The following SYT16 variants were observed in gnomAD, a reference collection of about 807,000 sequenced individuals.
SYT16 encodes the protein synaptotagmin 16, also known as synaptotagmin-16.
In SYT16, 42 loss-of-function variants were observed where a neutral mutation model predicts 61.4. The ratio of observed to expected loss-of-function variants is 0.68; its 90% CI spans 0.53 to 0.89. The LOEUF is 0.89. Ranked by LOEUF, SYT16 falls within the 40% of genes least tolerant of loss-of-function variation. The pLI, the probability that SYT16 is intolerant of heterozygous loss-of-function variation, is 0.00. For missense variants in SYT16, 804 were observed against 807.3 expected, an observed-to-expected ratio of 1.00 and a Z score of 0.05; for synonymous variants, 314 against 302.3, an observed-to-expected ratio of 1.04 and a Z score of -0.40.
In SYT16 at chr14:61,834,428, C is replaced by CTTTTTT. The variant is rs35260303; in HGVS notation, c.-325+21637_-325+21642dup. On this transcript the variant is annotated intron_variant, in intron 1 of 7. Coordinates refer to ENST00000683842, the MANE Select transcript of SYT16 (RefSeq NM_001367656.1). ...TACAGGCATGAGCCACCGTGCCTGGCTTTTTTTTTTTTTTTTTTTTTTTTG... is the reference window on the plus strand; with the variant it reads ...TACAGGCATGAGCCACCGTGCCTGGCTTTTTTTTTTTTTTTTTTTTTTTTTTTTTTG... Among the ~76,000 whole-genome samples the CTTTTTT allele has an allele frequency of 1.2e-3, 96 of 76,872 alleles. 11 individuals are homozygous for CTTTTTT. The highest frequency in any genetic ancestry group is 5.8e-3 in the African/African-American group (89 of 15,320). 50.4% of individuals were successfully genotyped at this position (76,872 alleles called of 152,430 possible). A position where few individuals can be genotyped will look rare whatever the true frequency, so the allele number is the denominator to read the frequency against.
chr14:61,873,548 C>G (rs1311885601), intron 1 of SYT16, among the ~76,000 whole-genome samples: 1 of 152,160 alleles, frequency 6.6e-6, no homozygotes, highest in African/African-American at 2.4e-5. Flanking sequence ...AAATGAATCT[C>G]TTTTGTGAAT....
At chr14:62,016,630 A>G (rs1352999139) in intron 3 of SYT16, among the ~76,000 whole-genome samples, 1 of 151,562 alleles carries the variant, frequency 6.6e-6, no homozygotes, top group Non-Finnish European at 1.5e-5. Context: ...GGAGAATGGC[A>G]TGAACCCGGG....
intron 2 of SYT16, among the ~76,000 whole-genome samples, chr14:61,983,002 A>G (rs1230172426): frequency 6.6e-6 from 1 of 152,200 alleles, no homozygotes; most frequent in Non-Finnish European, 1.5e-5. Flanking sequence ...ATTACACTTT[A>G]AAGAGATATA....
At chr14:61,817,010 C>CAAAA (rs1491408669) in intron 1 of SYT16, among the ~76,000 whole-genome samples, 18 of 3,974 alleles carry the variant, frequency 4.5e-3, no homozygotes, top group African/African-American at 6.1e-3. Flanking sequence ...GGCTCCGTCA[C>CAAAA]ACACACACAC....
In SYT16 at chr14:61,844,155, A is replaced by G. The variant is rs192707033; in HGVS notation, c.-325+31345A>G. On this transcript the variant is annotated intron_variant, in intron 1 of 7. Transcript: ENST00000683842. ...TGGATATTTAATTTTATGTGTGGCT[A>G]TTATAAATGGTATTACTTTTTTGAT... Among the ~76,000 whole-genome samples, 5 of 152,186 alleles carry G rather than the reference A, an allele frequency of 3.3e-5. No individual in the cohort carries two copies. The East Asian group carries it at 7.7e-4, about 24-fold the overall frequency.
In SYT16 at chr14:62,013,932, C is replaced by A. The variant is rs537308815; in HGVS notation, c.523+17390C>A. ...TGAGCCGAGATTGTGCCACTGCACT[C>A]CAGCCTGCGCAACAGAGCGAGATTC... On this transcript the variant is annotated intron_variant, in intron 3 of 7. Transcript: ENST00000683842. Among the ~76,000 whole-genome samples the A allele has an allele frequency of 6.0e-3, 906 of 151,956 alleles. 1 individual carries two copies. Among genetic ancestry groups the A allele is most frequent in the Non-Finnish European group, 9.5e-3 (648 of 67,962 alleles).
chr14:61,814,638 A>C (rs930804293), intron 1 of SYT16, among the ~76,000 whole-genome samples: 1 of 152,208 alleles, frequency 6.6e-6, no homozygotes, highest in African/African-American at 2.4e-5. Context: ...AATTATGATG[A>C]TATCTGACCA....
At chr14:61,854,981 T>A (rs2046731277) in intron 1 of SYT16, among the ~76,000 whole-genome samples, 2 of 152,186 alleles carry the variant, frequency 1.3e-5, no homozygotes, top group Non-Finnish European at 2.9e-5. Context: ...TCTAGCACCT[T>A]GGGTTTTTCT....
intron 1 of SYT16, among the ~76,000 whole-genome samples, chr14:61,822,538 T>A (rs1402151162): frequency 6.6e-6 from 1 of 152,210 alleles, no homozygotes; most frequent in Non-Finnish European, 1.5e-5. Flanking sequence ...AAGCCTGAAA[T>A]AACTGCCTCC....
In SYT16 at chr14:61,952,125, CA is replaced by C. The variant is rs555506232; in HGVS notation, c.-324-18006del. 1.2e-4 allele frequency among the ~76,000 whole-genome samples: 18 copies of C among 148,510 alleles called. No homozygotes were observed. The South Asian group carries it at 1.5e-3, about 12-fold the overall frequency. ...AATGTTGAACTGATACAGTGATATT[CA>C]TGCTGATTTTTTTTTTTTTTGGCAA... On this transcript the variant is annotated intron_variant, in intron 1 of 7. Transcript: ENST00000683842.
chr14:62,048,063 C>T (rs148015320), intron 3 of SYT16, among the ~76,000 whole-genome samples: 5,864 of 152,324 alleles, frequency 0.038, 144 homozygotes, highest in Non-Finnish European at 0.057. Context: ...ACCAGTTCCT[C>T]CTTGTACCTC....
At chr14:61,829,540 A>C (rs1405743819) in intron 1 of SYT16, among the ~76,000 whole-genome samples, 1 of 152,070 alleles carries the variant, frequency 6.6e-6, no homozygotes, top group Non-Finnish European at 1.5e-5. Flanking sequence ...TGATAACACA[A>C]ATATTAGATT....
chr14:61,975,206 C>T (rs1180583688), intron 2 of SYT16, among the ~76,000 whole-genome samples: 1 of 152,094 alleles, frequency 6.6e-6, no homozygotes, highest in Non-Finnish European at 1.5e-5. Flanking sequence ...ACCATCTGTG[C>T]ACCTTTCCCA....
At chr14:61,937,603 T>C (rs1003030230) in intron 1 of SYT16, among the ~76,000 whole-genome samples, 2 of 152,220 alleles carry the variant, frequency 1.3e-5, no homozygotes, top group African/African-American at 4.8e-5. Flanking sequence ...CCACTGTGGA[T>C]GGGCAGGAAG....
rs1256920970 is a variant in SYT16, at chr14:62,080,733, G to A, written c.994-101G>A. On this transcript the variant is annotated intron_variant, in intron 5 of 7. Coordinates refer to ENST00000683842, the MANE Select transcript of SYT16 (RefSeq NM_001367656.1). ...TATAGAGGGAATACACTGGCAGTTA[G>A]AAAGCAGGGATTCTGAAGGAGCACA... is the stretch of plus-strand genomic sequence containing the variant. The A allele has an allele frequency of 3.4e-6, 4 of 1,184,976 alleles. No homozygotes were observed. The Admixed American group carries it at 8.7e-5, about 26-fold the overall frequency. The allele number at this position is 1,184,976 out of a possible 1,614,324, so 73.4% of individuals were successfully genotyped here.
chr14:62,102,173 A>G lies in SYT16; in HGVS notation c.*1466A>G, dbSNP rs1405465513. On this transcript the variant is annotated 3_prime_UTR_variant, in exon 8 of 8. Coordinates refer to ENST00000683842, the MANE Select transcript of SYT16 (RefSeq NM_001367656.1). ...AGCTAGTGATGGCTGTATACAGTTA[A>G]AAACACATAACTCCTCCTCAGCTCC... The G allele has an allele frequency of 2.0e-5, 3 of 152,194 alleles. No homozygotes were observed. The highest frequency in any genetic ancestry group is 7.2e-5 in the African/African-American group (3 of 41,452). 9.4% of individuals were successfully genotyped at this position (152,194 alleles called of 1,614,324 possible). A position where few individuals can be genotyped will look rare whatever the true frequency, so the allele number is the denominator to read the frequency against.
chr14:62,071,190 T>C (rs978844645), intron 4 of SYT16, among the ~76,000 whole-genome samples: 1 of 152,242 alleles, frequency 6.6e-6, no homozygotes, highest in Non-Finnish European at 1.5e-5. Flanking sequence ...GCTTTTCTCT[T>C]TCTCTGATGT....
At chr14:61,912,269 G>T (rs1270175555) in intron 1 of SYT16, among the ~76,000 whole-genome samples, 1 of 152,186 alleles carries the variant, frequency 6.6e-6, no homozygotes, top group Admixed American at 6.5e-5. Flanking sequence ...GGGGGAACAC[G>T]TGGGCTTCTT....
intron 3 of SYT16, 106 bp downstream of exon 3, chr14:61,996,648 CT>C (rs1057241395): frequency 5.0e-5 from 67 of 1,337,982 alleles, no homozygotes; most frequent in Admixed American, 2.4e-5. Context: ...TTTTCTCTCT[CT>C]TATACCTTCC....
Sources: gnomAD v4.1 joint callset for allele counts (sites outside exome capture counted in the v4.1 genomes callset) on GRCh38, gnomAD v4.1.1 for gene constraint, MANE v1.5 for transcripts, NCBI Gene and HGNC (gene_info 2026-07-23, HGNC 2026-07-21) for gene names.